Variants in SLC10A7 observed in about 807,000 individuals in gnomAD.
The protein encoded by SLC10A7 is solute carrier family 10 member 7, also known as sodium/bile acid cotransporter 7.
In SLC10A7, 29 loss-of-function variants were observed where a neutral mutation model predicts 43.2. The observed-to-expected ratio is 0.67, with a 90% CI of 0.50 to 0.92. The LOEUF (loss-of-function observed/expected upper bound fraction) is 0.92. Ranked by LOEUF, SLC10A7 falls within the 40% of genes least tolerant of loss-of-function variation. SLC10A7 has a pLI of 0.00. For missense variants in SLC10A7, 295 were observed against 403.2 expected (o/e 0.73, Z 2.30); for synonymous variants, 152 against 144.8 (o/e 1.05, Z -0.35).
At chr4:146,440,275 T>TTTTCC (rs111230305) in intron 5 of SLC10A7, among the ~76,000 whole-genome samples, 1 of 148,078 alleles carries the variant, frequency 6.8e-6, no homozygotes, top group South Asian at 2.1e-4. Context: ...AGGGAGGTCT[T>TTTTCC]TTTTCTTTTC....
intron 5 of SLC10A7, among the ~76,000 whole-genome samples, chr4:146,379,258 G>T (rs1168273627): frequency 1.3e-5 from 2 of 152,130 alleles, no homozygotes; most frequent in Non-Finnish European, 2.9e-5. Context: ...GGTCTACATT[G>T]TTCTCAGCAA....
intron 4 of SLC10A7, among the ~76,000 whole-genome samples, chr4:146,502,195 A>G (rs1400166261): frequency 1.3e-5 from 2 of 152,352 alleles, no homozygotes; most frequent in East Asian, 1.9e-4. Context: ...TAGAACCACA[A>G]TGAGATATCA....
intron 5 of SLC10A7, among the ~76,000 whole-genome samples, chr4:146,398,263 C>T (rs1401799095): frequency 6.6e-6 from 1 of 151,952 alleles, no homozygotes; most frequent in Non-Finnish European, 1.5e-5. Context: ...TAAGGAAGAG[C>T]CATGTAAAAA....
At chr4:146,264,272 T>C (rs1209320674) in intron 10 of SLC10A7, among the ~76,000 whole-genome samples, 1 of 152,248 alleles carries the variant, frequency 6.6e-6, no homozygotes, top group Non-Finnish European at 1.5e-5. Flanking sequence ...GCTTCAATAA[T>C]AACTACTTTC....
intron 5 of SLC10A7, among the ~76,000 whole-genome samples, chr4:146,389,765 TAGA>T (rs1400165706): frequency 6.6e-6 from 1 of 152,204 alleles, no homozygotes; most frequent in Non-Finnish European, 1.5e-5. Context: ...GACTTGGAAT[TAGA>T]AGAACTTTCG....
Position 146,291,141 on chromosome 4 carries a change from G to A in SLC10A7, c.773+1788C>T, listed in dbSNP as rs1028959865. 2.6e-5 allele frequency among the ~76,000 whole-genome samples: 4 copies of A among 152,160 alleles called. No homozygotes were observed. In the South Asian group the frequency reaches 6.2e-4, roughly 24 times the overall value. On this transcript the variant is annotated intron_variant, in intron 9 of 11. Coordinates refer to ENST00000335472, the MANE Select transcript of SLC10A7 (RefSeq NM_001029998.6). Reference sequence around the variant, plus strand: ...CTGCATCCTACCTCATCCAATAGGAGGAGTGGTTCTGATGATCACTTTTGC... The same window carrying A: ...CTGCATCCTACCTCATCCAATAGGAAGAGTGGTTCTGATGATCACTTTTGC...
intron 5 of SLC10A7, among the ~76,000 whole-genome samples, chr4:146,401,565 A>T (rs1223870821): frequency 6.6e-6 from 1 of 152,190 alleles, no homozygotes; most frequent in Non-Finnish European, 1.5e-5. Context: ...CTTACACGCC[A>T]GTAACTCTGC....
At chr4:146,439,122 C>A (rs1730418421) in intron 5 of SLC10A7, among the ~76,000 whole-genome samples, 1 of 151,948 alleles carries the variant, frequency 6.6e-6, no homozygotes. Context: ...TCCTCCATGG[C>A]ATGATTTTAA....
intron 4 of SLC10A7, among the ~76,000 whole-genome samples, chr4:146,460,792 A>G (rs1732463953): frequency 6.6e-6 from 1 of 151,998 alleles, no homozygotes; most frequent in Non-Finnish European, 1.5e-5. Flanking sequence ...TAAAAGATGA[A>G]TTTTACTGTC....
intron 4 of SLC10A7, among the ~76,000 whole-genome samples, chr4:146,468,160 C>T (rs921209979): frequency 2.0e-5 from 3 of 152,136 alleles, no homozygotes; most frequent in Non-Finnish European, 4.4e-5. Flanking sequence ...CAATAATGGG[C>T]ATAATATCTA....
chr4:146,378,617 G>A (rs1428694949), intron 5 of SLC10A7, among the ~76,000 whole-genome samples: 6 of 152,102 alleles, frequency 3.9e-5, no homozygotes, highest in African/African-American at 1.4e-4. Context: ...TAGATTTTAC[G>A]ACATGTCTAT....
chr4:146,506,340 G>C (rs1035036932), intron 3 of SLC10A7, among the ~76,000 whole-genome samples: 2 of 152,064 alleles, frequency 1.3e-5, no homozygotes, highest in African/African-American at 2.4e-5. Context: ...TTTTTAAAAA[G>C]AAGTAAAGAC....
chr4:146,322,734 C>T (rs1203796678), intron 6 of SLC10A7, among the ~76,000 whole-genome samples: 1 of 152,102 alleles, frequency 6.6e-6, no homozygotes, highest in African/African-American at 2.4e-5. Flanking sequence ...TGGGTATATA[C>T]CCAGTAATGG....
chr4:146,451,231 C>CAAAAAAAAAAAAAAAAAA (rs572993886), intron 4 of SLC10A7, among the ~76,000 whole-genome samples: 1 of 71,694 alleles, frequency 1.4e-5, no homozygotes. Flanking sequence ...AGTCTCCCAC[C>CAAAAAAAAAAAAAAAAAA]AAAAAAAAAA....
rs966769134 is a variant in SLC10A7, at chr4:146,521,706, C to T, written c.12G>A (p.Leu4=). ...TGAACCAGTCTTTCCTCATTCTCTCCAGCAGCCTCATATTTGTTAGGGTGG... is the reference window on the plus strand; with the variant it reads ...TGAACCAGTCTTTCCTCATTCTCTCTAGCAGCCTCATATTTGTTAGGGTGG... MRL[L]ERMRKDWFMV... is the part of the protein sequence containing the mutation. The change falls in exon 1 of 12, where the codon CTG becomes CTA. Residue 4 remains leucine, a synonymous_variant. Transcript: ENST00000335472. 1 of 1,614,104 alleles carries T rather than the reference C, an allele frequency of 6.2e-7. No individual in the cohort carries two copies.
At chr4:146,470,125 T>C (rs72729896) in intron 4 of SLC10A7, among the ~76,000 whole-genome samples, 7,082 of 152,220 alleles carry the variant, frequency 0.047, 187 homozygotes, top group Middle Eastern at 0.068. Context: ...TGCACTATTA[T>C]TTGGTGGGAG....
At chr4:146,404,385 T>C (rs1271696623) in intron 5 of SLC10A7, among the ~76,000 whole-genome samples, 1 of 152,046 alleles carries the variant, frequency 6.6e-6, no homozygotes, top group Non-Finnish European at 1.5e-5. Context: ...TTGTTGAACT[T>C]TGCTAATTTT....
intron 4 of SLC10A7, among the ~76,000 whole-genome samples, chr4:146,470,869 C>T (rs1403471273): frequency 6.6e-6 from 1 of 152,150 alleles, no homozygotes; most frequent in Non-Finnish European, 1.5e-5. Context: ...TAACAACCAC[C>T]ACTTCTCAAT....
chr4:146,421,001 T>TG (rs991336982), intron 5 of SLC10A7, among the ~76,000 whole-genome samples: 16 of 152,210 alleles, frequency 1.1e-4, no homozygotes, highest in Non-Finnish European at 1.9e-4. Flanking sequence ...TACTCCAGCC[T>TG]GGGGGACAGA....
Sources: allele counts gnomAD v4.1 joint callset (sites outside exome capture counted in the v4.1 genomes callset), GRCh38; gene constraint gnomAD v4.1.1; transcripts MANE v1.5; gene names NCBI Gene and HGNC (gene_info 2026-07-23, HGNC 2026-07-21).